The following PPP1R9A variants were observed in gnomAD, a reference collection of about 807,000 sequenced individuals.
PPP1R9A encodes the protein neurabin-1.
In PPP1R9A, 59 loss-of-function variants were observed where a neutral mutation model predicts 141.9. That is an observed-to-expected ratio of 0.42 (90% CI 0.34 to 0.52). The LOEUF is 0.52. Among genes scored for constraint, PPP1R9A ranks in the 20% least tolerant of loss-of-function variants. PPP1R9A has a pLI of 0.10. For synonymous variants in PPP1R9A, 500 were observed against 569.7 expected, an observed-to-expected ratio of 0.88 and a Z score of 1.74; for missense variants, 1,444 against 1,611.9, an observed-to-expected ratio of 0.90 and a Z score of 1.78.
At chr7:95,213,717 T>C (rs1229819225) in intron 7 of PPP1R9A, among the ~76,000 whole-genome samples, 1 of 152,138 alleles carries the variant, frequency 6.6e-6, no homozygotes, top group African/African-American at 2.4e-5. Context: ...ACTGTAGACT[T>C]AATTTTAAGA....
At chr7:95,227,663 T>C (rs1795332913) in intron 8 of PPP1R9A, among the ~76,000 whole-genome samples, 1 of 152,168 alleles carries the variant, frequency 6.6e-6, no homozygotes, top group Admixed American at 6.6e-5. Flanking sequence ...AATCCTAAAT[T>C]ATTTGCTTTC....
At chr7:95,053,082 T>G (rs1811033233) in intron 2 of PPP1R9A, among the ~76,000 whole-genome samples, 1 of 152,182 alleles carries the variant, frequency 6.6e-6, no homozygotes, top group African/African-American at 2.4e-5. Context: ...CCTGTTTCAT[T>G]TCTTTGTATT....
At chr7:94,997,145 T>G (rs1802301275) in intron 2 of PPP1R9A, among the ~76,000 whole-genome samples, 1 of 152,144 alleles carries the variant, frequency 6.6e-6, no homozygotes, top group African/African-American at 2.4e-5. Flanking sequence ...TTCCATTTTC[T>G]TTTATATATC....
At chr7:95,049,810 A>G (rs1236095470) in intron 2 of PPP1R9A, among the ~76,000 whole-genome samples, 3 of 152,184 alleles carry the variant, frequency 2.0e-5, no homozygotes, top group African/African-American at 4.8e-5. Flanking sequence ...TTCACTTAAA[A>G]TGCATCTCAG....
intron 2 of PPP1R9A, among the ~76,000 whole-genome samples, chr7:95,110,414 T>C (rs912434776): frequency 6.6e-6 from 1 of 152,224 alleles, no homozygotes; most frequent in Non-Finnish European, 1.5e-5. Flanking sequence ...ATAATAATTA[T>C]TGAATTTTAT....
intron 2 of PPP1R9A, among the ~76,000 whole-genome samples, chr7:95,107,154 T>C (rs1240717712): frequency 6.6e-6 from 1 of 152,228 alleles, no homozygotes; most frequent in Non-Finnish European, 1.5e-5. Flanking sequence ...TTAATTTGCA[T>C]TTGCTTAATT....
At chr7:95,256,718 A>G (rs1799635633) in intron 12 of PPP1R9A, among the ~76,000 whole-genome samples, 1 of 152,170 alleles carries the variant, frequency 6.6e-6, no homozygotes, top group South Asian at 2.1e-4. Flanking sequence ...AATAAAATTG[A>G]ATACATTAAA....
chr7:95,062,077 C>T (rs1189264867), intron 2 of PPP1R9A, among the ~76,000 whole-genome samples: 1 of 152,068 alleles, frequency 6.6e-6, no homozygotes, highest in African/African-American at 2.4e-5. Context: ...TTCTTATTTT[C>T]CTTTGGCAAT....
chr7:95,015,247 C>T (rs1804944228), intron 2 of PPP1R9A, among the ~76,000 whole-genome samples: 2 of 149,570 alleles, frequency 1.3e-5, no homozygotes, highest in South Asian at 4.3e-4. Flanking sequence ...CACACACACA[C>T]ATACACACAC....
intron 2 of PPP1R9A, among the ~76,000 whole-genome samples, chr7:94,984,535 C>G (rs1027379470): frequency 2.6e-5 from 4 of 152,074 alleles, no homozygotes; most frequent in African/African-American, 9.7e-5. Context: ...TTCAGAGATT[C>G]AGCTTCTTCC....
intron 5 of PPP1R9A, among the ~76,000 whole-genome samples, chr7:95,178,519 G>C (rs945680642): frequency 1.3e-5 from 2 of 150,722 alleles, no homozygotes; most frequent in African/African-American, 4.9e-5. Context: ...GAAAAAGAAG[G>C]GAAATAACCA....
chr7:95,192,389 T>C lies in PPP1R9A; in HGVS notation c.1755-5960T>C. Among the ~76,000 whole-genome samples, 2 of 152,002 alleles carry C rather than the reference T, an allele frequency of 1.3e-5. 1 individual carries two copies. Among genetic ancestry groups the C allele is most frequent in the Non-Finnish European group, 2.9e-5 (2 of 67,876 alleles). ...ATTATTTTATTATTAACTGGATAGA[T>C]AGGAAATGGCATCTCTATTTTCTTT... On this transcript the variant is annotated intron_variant, in intron 5 of 19. Coordinates refer to ENST00000433360, the MANE Select transcript of PPP1R9A (RefSeq NM_001166160.2).
At chr7:94,922,806 A>G (rs959047593) in intron 2 of PPP1R9A, among the ~76,000 whole-genome samples, 2 of 152,122 alleles carry the variant, frequency 1.3e-5, no homozygotes, top group Non-Finnish European at 1.5e-5. Flanking sequence ...AATTTACTTA[A>G]TTTTCTACAA....
intron 5 of PPP1R9A, among the ~76,000 whole-genome samples, chr7:95,184,218 A>C (rs1001243443): frequency 2.6e-5 from 4 of 152,192 alleles, no homozygotes; most frequent in African/African-American, 9.7e-5. Flanking sequence ...CATTTAATAT[A>C]ATCAAACAGA....
intron 4 of PPP1R9A, among the ~76,000 whole-genome samples, chr7:95,152,241 C>T (rs759610445): frequency 1.3e-5 from 2 of 152,140 alleles, no homozygotes; most frequent in African/African-American, 2.4e-5. Flanking sequence ...TGAGCCACTG[C>T]GCCTGGCCTG....
At chr7:95,205,200 T>C (rs750143524) in intron 7 of PPP1R9A, among the ~76,000 whole-genome samples, 7 of 152,254 alleles carry the variant, frequency 4.6e-5, no homozygotes, top group Non-Finnish European at 7.3e-5. Flanking sequence ...CAATGTCATC[T>C]TTTTGCAGAT....
Position 94,910,799 on chromosome 7 carries a change from C to T in PPP1R9A, c.686C>T (p.Ser229Leu), listed in dbSNP as rs1156379702. 6.2e-7 allele frequency: 1 copy of T among 1,613,946 alleles called. No homozygotes were observed. The highest frequency in any genetic ancestry group is 8.5e-7 in the Non-Finnish European group (1 of 1,179,966). Residue 229 changes from serine to leucine, a missense_variant, in exon 2 of 20, where the codon TCA (serine) becomes TTA (leucine). Transcript: ENST00000433360. The surrounding 1 kb of genome is among the most constrained non-coding windows in gnomAD (Gnocchi z 4.5). ...ISEKAENNEY[S>L]VTGHYPLNLP... ...GAGAAGGCTGAAAACAATGAATACTCAGTGACTGGGCATTATCCCTTGAAT... is the reference window on the plus strand; with the variant it reads ...GAGAAGGCTGAAAACAATGAATACTTAGTGACTGGGCATTATCCCTTGAAT...
At chr7:95,250,895 G>T (rs552993698) in intron 10 of PPP1R9A, among the ~76,000 whole-genome samples, 2 of 151,366 alleles carry the variant, frequency 1.3e-5, no homozygotes, top group Non-Finnish European at 2.9e-5. Flanking sequence ...GTAATGTCAC[G>T]GAGACTGACC....
intron 8 of PPP1R9A, among the ~76,000 whole-genome samples, chr7:95,242,936 T>C (rs1797658391): frequency 6.6e-6 from 1 of 152,148 alleles, no homozygotes; most frequent in Non-Finnish European, 1.5e-5. Context: ...GCCTGACCAT[T>C]CTTGCAAACT....
Sources: allele counts gnomAD v4.1 joint callset (sites outside exome capture counted in the v4.1 genomes callset), GRCh38; gene constraint gnomAD v4.1.1; non-coding constraint Gnocchi (gnomAD v3.1); transcripts MANE v1.5; gene names NCBI Gene and HGNC (gene_info 2026-07-23, HGNC 2026-07-21).